Variants in B3GAT1 observed in about 807,000 individuals in gnomAD.
The protein encoded by B3GAT1 is galactosylgalactosylxylosylprotein 3-beta-glucuronosyltransferase 1.
B3GAT1 carries 11 observed loss-of-function variants against 28.4 expected under a neutral mutation model. The ratio of observed to expected loss-of-function variants is 0.39; its 90% CI spans 0.24 to 0.64. The LOEUF is 0.64. Among genes scored for constraint, B3GAT1 ranks in the 30% least tolerant of loss-of-function variants. The pLI is 0.50. For missense variants in B3GAT1, 375 were observed against 491.0 expected (o/e 0.76, Z 2.23); for synonymous variants, 255 against 223.1 (o/e 1.14, Z -1.27).
At chr11:134,400,437 C>T (rs936581530) in intron 1 of B3GAT1, among the ~76,000 whole-genome samples, 8 of 152,174 alleles carry the variant, frequency 5.3e-5, no homozygotes, top group Non-Finnish European at 2.9e-5. Context: ...CAACGGAAAA[C>T]ACCTAGCATA....
Position 134,382,753 on chromosome 11 carries a change from A to G in B3GAT1, c.875T>C (p.Val292Ala). Residue 292 changes from valine to alanine, a missense_variant, in exon 4 of 6, where the codon GTC becomes GCC. Transcript: ENST00000312527. The part of the protein sequence containing the change: ...YQESSLLREL[V>A]TLNDLEPKAA... ...CTTGGGCTCCAGGTCGTTGAGGGTGACAAGTTCTCGAAGGAGGCTGCTTTC... is the reference window on the plus strand; with the variant it reads ...CTTGGGCTCCAGGTCGTTGAGGGTGGCAAGTTCTCGAAGGAGGCTGCTTTC... The G allele has an allele frequency of 6.2e-7, 1 of 1,614,094 alleles. No homozygotes were observed. Among genetic ancestry groups the G allele is most frequent in the South Asian group, 1.1e-5 (1 of 91,076 alleles).
Position 134,384,093 on chromosome 11 carries a change from C to A in B3GAT1, c.208G>T (p.Glu70Ter). ...GGCGGGGGCCGCGTGTACACGTACT[C>A]GGTGCGCACCACCTCCACGATGTCG... is the stretch of plus-strand genomic sequence containing the variant. ...DRDIVEVVRT[E>*]YVYTRPPPWS... is the part of the protein sequence containing the mutation. The change falls in exon 3 of 6, where the codon GAG (glutamate) becomes TAG (stop). Residue 70 changes from glutamate to a stop codon, truncating the protein, a stop_gained. Transcript: ENST00000312527. LOFTEE classifies it high-confidence loss of function. 1 of 1,593,832 alleles carries A rather than the reference C, an allele frequency of 6.3e-7. No homozygotes were observed. Among genetic ancestry groups the A allele is most frequent in the Non-Finnish European group, 8.5e-7 (1 of 1,171,498 alleles).
At chr11:134,401,563 T>C (rs917381588) in intron 1 of B3GAT1, among the ~76,000 whole-genome samples, 1 of 150,816 alleles carries the variant, frequency 6.6e-6, no homozygotes, top group African/African-American at 2.4e-5. Flanking sequence ...CAATAGACAC[T>C]GTGGAGTCCT....
At chr11:134,391,148 C>T (rs971196855) in intron 1 of B3GAT1, 5 of 152,160 alleles carry the variant, frequency 3.3e-5, no homozygotes, top group Non-Finnish European at 7.3e-5. Context: ...AGCAATAAAC[C>T]CAGTTGTGCA....
chr11:134,404,120 T>A (rs1374027133), intron 1 of B3GAT1, among the ~76,000 whole-genome samples: 1 of 150,360 alleles, frequency 6.7e-6, no homozygotes, highest in African/African-American at 2.5e-5. Context: ...GCTGCACCCA[T>A]TAACTCATCA....
chr11:134,384,421 C>A (rs1944224731), intron 2 of B3GAT1: 4 of 518,370 alleles, frequency 7.7e-6, no homozygotes, highest in Non-Finnish European at 9.9e-6. Context: ...TCCTTCCCAC[C>A]TTTGCAGCCC....
chr11:134,383,183 T>C (rs1380209710), intron 3 of B3GAT1, among the ~76,000 whole-genome samples, 177 bp from the exon 4 acceptor site: 2 of 152,162 alleles, frequency 1.3e-5, no homozygotes, highest in South Asian at 2.1e-4. Flanking sequence ...GTTGGGCACC[T>C]GAGAAGAACC....
At chr11:134,400,948 C>T (rs544571797) in intron 1 of B3GAT1, among the ~76,000 whole-genome samples, 33 of 152,320 alleles carry the variant, frequency 2.2e-4, no homozygotes, top group African/African-American at 7.0e-4. Context: ...CATGAACAGA[C>T]ACTTCTCAAA....
At chr11:134,384,518 G>T (rs528640707) in intron 2 of B3GAT1, 55 of 369,354 alleles carry the variant, frequency 1.5e-4, no homozygotes, top group African/African-American at 6.8e-4. Context: ...AAGGCGTCCC[G>T]ACCCTCCCCT....
At chr11:134,409,268 C>T (rs117730848) in intron 1 of B3GAT1, among the ~76,000 whole-genome samples, 4,589 of 152,250 alleles carry the variant, frequency 0.03, 90 homozygotes, top group Non-Finnish European at 0.048. Context: ...TCTTCCATGT[C>T]CCCTGGCTAG....
At chr11:134,401,174 G>A (rs1347011679) in intron 1 of B3GAT1, among the ~76,000 whole-genome samples, 2 of 152,224 alleles carry the variant, frequency 1.3e-5, no homozygotes, top group Non-Finnish European at 2.9e-5. Flanking sequence ...ACTGTGGAAT[G>A]TGGTTTGGAG....
At position 134,383,854 on chromosome 11, in the gene B3GAT1, G is replaced by T; in HGVS notation, c.447C>A (p.Pro149=). ...CGTCTCCGCGCAGCTTGTAGTTGCG[G>T]GGCGTCTCCACGTGCAGGTGCGTGT... ...LNYTHLHVET[P]RNYKLRGDAR... The change falls in exon 3 of 6, where the codon CCC becomes CCA. Residue 149 remains proline (P), a synonymous_variant. Transcript: ENST00000312527. 1 of 1,596,356 alleles carries T rather than the reference G, an allele frequency of 6.3e-7. No individual in the cohort carries two copies.
intron 1 of B3GAT1, among the ~76,000 whole-genome samples, chr11:134,403,077 C>T (rs1231103756): frequency 6.6e-6 from 1 of 152,124 alleles, no homozygotes; most frequent in Admixed American, 6.5e-5. Flanking sequence ...TGTGCTGATA[C>T]TATCTCTGGG....
chr11:134,400,082 G>A (rs1303377998), intron 1 of B3GAT1, among the ~76,000 whole-genome samples: 1 of 152,152 alleles, frequency 6.6e-6, no homozygotes, highest in Non-Finnish European at 1.5e-5. Context: ...GTGGTTCTGG[G>A]TGAGGTGCTG....
At chr11:134,400,501 T>C (rs1944591930) in intron 1 of B3GAT1, among the ~76,000 whole-genome samples, 1 of 152,214 alleles carries the variant, frequency 6.6e-6, no homozygotes, top group South Asian at 2.1e-4. Flanking sequence ...AACACAGTGG[T>C]GAATACAAAC....
chr11:134,383,055 C>T (rs138392079), intron 3 of B3GAT1, 49 bp from the exon 4 acceptor site: 95 of 1,484,672 alleles, frequency 6.4e-5, no homozygotes, highest in African/African-American at 1.9e-4. Context: ...CAGATGAGGA[C>T]GGCCGCGCGT....
At chr11:134,383,235 G>C (rs1256391222) in intron 3 of B3GAT1, among the ~76,000 whole-genome samples, 1 of 152,080 alleles carries the variant, frequency 6.6e-6, no homozygotes, top group African/African-American at 2.4e-5. Context: ...CAGACGGCCT[G>C]GTCTTCCCCT....
chr11:134,401,982 G>T (rs1190720142), intron 1 of B3GAT1, among the ~76,000 whole-genome samples: 3 of 130,564 alleles, frequency 2.3e-5, no homozygotes, highest in East Asian at 3.0e-4. Flanking sequence ...GGGGGGGGCG[G>T]GCAGCCTGAC....
rs1425345747 is a variant in B3GAT1, at chr11:134,379,194, A to C, written c.*1568T>G. ...CATCTCAAAATAGGCAACCAATGCT[A>C]TATTCTGAATGTTAGGTCTCTGGAC... On this transcript the variant is annotated 3_prime_UTR_variant, in exon 6 of 6. Transcript: ENST00000312527. 1.3e-5 allele frequency: 2 copies of C among 152,242 alleles called. No homozygotes were observed. Among genetic ancestry groups the C allele is most frequent in the African/African-American group, 4.8e-5 (2 of 41,466 alleles). 9.4% of individuals were successfully genotyped at this position (152,242 alleles called of 1,614,324 possible). A position where few individuals can be genotyped will look rare whatever the true frequency, so the allele number is the denominator to read the frequency against.
Sources: gnomAD v4.1 joint callset for allele counts (sites outside exome capture counted in the v4.1 genomes callset) on GRCh38, gnomAD v4.1.1 for gene constraint, MANE v1.5 for transcripts, NCBI Gene and HGNC (gene_info 2026-07-23, HGNC 2026-07-21) for gene names.